Variants in PDZD2 observed in about 807,000 individuals in gnomAD.
PDZD2 encodes PDZ domain containing 2.
A neutral mutation model predicts 220.7 loss-of-function variants in PDZD2; 90 were observed. That is an observed-to-expected ratio of 0.41 (90% CI 0.34 to 0.49). The LOEUF (loss-of-function observed/expected upper bound fraction) is 0.49. PDZD2 is among the 20% of genes least tolerant of loss of function. The pLI, the probability that PDZD2 is intolerant of heterozygous loss-of-function variation, is 0.28. For missense variants in PDZD2, 3,174 were observed against 3,608.5 expected, an observed-to-expected ratio of 0.88 and a Z score of 3.08; for synonymous variants, 1,375 against 1,450.5, an observed-to-expected ratio of 0.95 and a Z score of 1.18.
chr5:31,999,256 T>TGG (rs779848816), intron 4 of PDZD2, among the ~76,000 whole-genome samples: 1 of 102,074 alleles, frequency 9.8e-6, no homozygotes, highest in Non-Finnish European at 2.0e-5. Flanking sequence ...TGCTTTTTTT[T>TGG]GGGGGGGGCG....
At chr5:32,086,735 G>C (rs1742495334) in intron 19 of PDZD2, among the ~76,000 whole-genome samples, 1 of 151,930 alleles carries the variant, frequency 6.6e-6, no homozygotes, top group African/African-American at 2.4e-5. Flanking sequence ...GCAGTGCAAT[G>C]GCACATTCTC....
chr5:32,076,193 G>A (rs1485555147), intron 18 of PDZD2, among the ~76,000 whole-genome samples: 1 of 151,356 alleles, frequency 6.6e-6, no homozygotes, highest in East Asian at 2.0e-4. Context: ...GTCTGAGGCA[G>A]GAGAATCTCT....
intron 1 of PDZD2, among the ~76,000 whole-genome samples, chr5:31,797,434 C>A (rs1754113788): frequency 6.6e-6 from 1 of 151,996 alleles, no homozygotes; most frequent in African/African-American, 2.4e-5. Flanking sequence ...GCCTGGCCAA[C>A]AGAGTGAAAC....
At chr5:31,792,541 C>T (rs1753785564) in intron 1 of PDZD2, among the ~76,000 whole-genome samples, 1 of 152,104 alleles carries the variant, frequency 6.6e-6, no homozygotes, top group South Asian at 2.1e-4. Context: ...GCCCCAGCCT[C>T]CCGAAGAAGC....
chr5:32,041,064 G>C (rs541328574), intron 7 of PDZD2, among the ~76,000 whole-genome samples: 6 of 144,858 alleles, frequency 4.1e-5, no homozygotes, highest in Admixed American at 1.4e-4. Context: ...CGTCTGGGAA[G>C]TGGGGAGCGC....
intron 1 of PDZD2, among the ~76,000 whole-genome samples, chr5:31,685,536 T>C (rs924681666): frequency 1.3e-5 from 2 of 152,174 alleles, no homozygotes; most frequent in African/African-American, 4.8e-5. Context: ...ATTATTATTA[T>C]TTTTTGAGAC....
intron 2 of PDZD2, among the ~76,000 whole-genome samples, chr5:31,829,907 G>A (rs1241443363): frequency 6.6e-6 from 1 of 151,876 alleles, no homozygotes; most frequent in African/African-American, 2.4e-5. Context: ...AATTAGCCGA[G>A]TGTGGTGGTA....
At chr5:32,003,682 CTT>C (rs1400866135) in intron 5 of PDZD2, among the ~76,000 whole-genome samples, 2 of 152,064 alleles carry the variant, frequency 1.3e-5, no homozygotes, top group South Asian at 2.1e-4. Context: ...ACTTCCTTCT[CTT>C]GTTAGTTTTT....
rs1300755441 is a variant in PDZD2, at chr5:32,109,108, T to G, written c.*973T>G. On this transcript the variant is annotated 3_prime_UTR_variant, in exon 25 of 25. Coordinates refer to ENST00000438447, the MANE Select transcript of PDZD2 (RefSeq NM_178140.4). ...CCAACCATGAATTTAAACTAAATTT[T>G]TAGAAATCAAGTATCTTTCTAAGTG... 1 of 151,760 alleles carries G rather than the reference T, an allele frequency of 6.6e-6. No individual in the cohort carries two copies. The highest frequency in any genetic ancestry group is 1.5e-5 in the Non-Finnish European group (1 of 67,998). The allele number at this position is 151,760 out of a possible 1,614,324, so 9.4% of individuals were successfully genotyped here.
At chr5:31,683,035 A>G (rs773294642) in intron 1 of PDZD2, among the ~76,000 whole-genome samples, 3 of 151,428 alleles carry the variant, frequency 2.0e-5, no homozygotes, top group Admixed American at 6.6e-5. Context: ...TCTCCCCCTG[A>G]CCCCTGCCAT....
chr5:31,729,218 T>C (rs1001702563), intron 1 of PDZD2, among the ~76,000 whole-genome samples: 1 of 148,270 alleles, frequency 6.7e-6, no homozygotes, highest in Admixed American at 6.9e-5. Context: ...GTTCTTAGCC[T>C]CCCGAGTAGC....
intron 1 of PDZD2, among the ~76,000 whole-genome samples, chr5:31,708,062 A>G (rs763877380): frequency 6.6e-6 from 1 of 152,246 alleles, no homozygotes; most frequent in Non-Finnish European, 1.5e-5. Context: ...CTCAAGAGAT[A>G]CGTAATAATA....
chr5:32,073,607 C>T (rs375201339), intron 17 of PDZD2, among the ~76,000 whole-genome samples: 17 of 139,800 alleles, frequency 1.2e-4, no homozygotes, highest in African/African-American at 4.2e-4. Flanking sequence ...AAGAAAAGGG[C>T]GGGGGGGGTA....
chr5:31,853,238 G>A (rs1758165904), intron 2 of PDZD2, among the ~76,000 whole-genome samples: 1 of 152,120 alleles, frequency 6.6e-6, no homozygotes, highest in South Asian at 2.1e-4. Flanking sequence ...GAAATCATCA[G>A]CCTAATTTGC....
In PDZD2 at chr5:31,680,180, G is replaced by A. The variant is rs145220038; in HGVS notation, c.-361+40743G>A. Among the ~76,000 whole-genome samples the A allele has an allele frequency of 1.1e-4, 16 of 152,264 alleles. No homozygotes were observed. The East Asian group carries it at 3.1e-3, about 29-fold the overall frequency. Reference sequence around the variant, plus strand: ...AGTAGGTGTCACCAGAAAACTGAATGGACGGTGGGCTCGGGGAGGACAAGG... The same window carrying A: ...AGTAGGTGTCACCAGAAAACTGAATAGACGGTGGGCTCGGGGAGGACAAGG... On this transcript the variant is annotated intron_variant, in intron 1 of 24. Transcript: ENST00000438447.
intron 1 of PDZD2, among the ~76,000 whole-genome samples, chr5:31,791,511 A>G (rs1301218440): frequency 6.8e-6 from 1 of 148,116 alleles, no homozygotes; most frequent in East Asian, 2.0e-4. Context: ...AATTGCTTGA[A>G]CCCAAGAGGT....
At chr5:31,870,117 G>A (rs569109992) in intron 2 of PDZD2, among the ~76,000 whole-genome samples, 30 of 152,252 alleles carry the variant, frequency 2.0e-4, no homozygotes, top group African/African-American at 7.0e-4. Flanking sequence ...CCAACACTTT[G>A]GATTCCTCCG....
intron 1 of PDZD2, among the ~76,000 whole-genome samples, chr5:31,640,099 C>G (rs1388981963): frequency 6.6e-6 from 1 of 152,190 alleles, no homozygotes; most frequent in Non-Finnish European, 1.5e-5. Flanking sequence ...CTCTCCCTCC[C>G]TCGGGTTTGC....
At chr5:32,022,349 C>T (rs909002686) in intron 6 of PDZD2, among the ~76,000 whole-genome samples, 1 of 142,176 alleles carries the variant, frequency 7.0e-6, no homozygotes, top group African/African-American at 2.6e-5. Context: ...AGGCGCACAC[C>T]GCCACTCACA....
Sources: gnomAD v4.1 joint callset for allele counts (sites outside exome capture counted in the v4.1 genomes callset) on GRCh38, gnomAD v4.1.1 for gene constraint, MANE v1.5 for transcripts, NCBI Gene and HGNC (gene_info 2026-07-23, HGNC 2026-07-21) for gene names.